Variants in PVT1 observed in about 807,000 individuals in gnomAD.
The protein encoded by PVT1 is Pvt1 oncogene.
At chr8:127,795,144 C>T (rs1167500032) in intron 1 of PVT1, among the ~76,000 whole-genome samples, 1 of 152,178 alleles carries the variant, frequency 6.6e-6, no homozygotes, top group African/African-American at 2.4e-5. Context: ...CTCTCACACC[C>T]CCTCAGGGCT....
At chr8:127,927,099 T>TC (rs1816139172) in intron 3 of PVT1, among the ~76,000 whole-genome samples, 4 of 152,212 alleles carry the variant, frequency 2.6e-5, no homozygotes, top group African/African-American at 9.7e-5. Context: ...TGGGTTCAAG[T>TC]CCGGGCCCTG....
chr8:128,077,870 A>G (rs762767642), intron 5 of PVT1, among the ~76,000 whole-genome samples: 3 of 152,250 alleles, frequency 2.0e-5, no homozygotes, highest in Admixed American at 6.5e-5. Context: ...AACCTGACCT[A>G]TGATTCACAG....
chr8:128,040,164 C>T (rs1249679609), intron 4 of PVT1, among the ~76,000 whole-genome samples: 1 of 152,200 alleles, frequency 6.6e-6, no homozygotes, highest in Non-Finnish European at 1.5e-5. Flanking sequence ...TGATCAAATA[C>T]CAGTTGAGAT....
At chr8:127,922,128 G>A (rs1816068959) in intron 3 of PVT1, among the ~76,000 whole-genome samples, 1 of 151,750 alleles carries the variant, frequency 6.6e-6, no homozygotes, top group Non-Finnish European at 1.5e-5. Flanking sequence ...CAAAATGCAG[G>A]GATTACAGGT....
intron 3 of PVT1, among the ~76,000 whole-genome samples, chr8:127,963,774 T>TGGAATGGA (rs1816673090): frequency 2.0e-5 from 3 of 152,158 alleles, no homozygotes; most frequent in African/African-American, 7.2e-5. Context: ...CAGGTGGGGT[T>TGGAATGGA]GGAATGGAGG....
At chr8:128,083,024 G>A (rs940076751) in intron 5 of PVT1, among the ~76,000 whole-genome samples, 5 of 152,216 alleles carry the variant, frequency 3.3e-5, no homozygotes, top group Non-Finnish European at 5.9e-5. Flanking sequence ...ACAAAGCACA[G>A]TGTAGAGCAG....
At chr8:127,920,688 A>G (rs1025581952) in intron 3 of PVT1, among the ~76,000 whole-genome samples, 2 of 152,222 alleles carry the variant, frequency 1.3e-5, no homozygotes, top group Non-Finnish European at 2.9e-5. Flanking sequence ...ACTAATGAAA[A>G]TTGAGTTTAT....
At chr8:127,910,169 T>G (rs75912053) in intron 3 of PVT1, among the ~76,000 whole-genome samples, 1 of 152,118 alleles carries the variant, frequency 6.6e-6, no homozygotes, top group Non-Finnish European at 1.5e-5. Context: ...CTAAGCAGTG[T>G]CCATCATGGA....
At chr8:128,036,361 C>T (rs574267914) in intron 4 of PVT1, among the ~76,000 whole-genome samples, 2 of 152,330 alleles carry the variant, frequency 1.3e-5, no homozygotes, top group East Asian at 3.9e-4. Flanking sequence ...CACCTTCCTC[C>T]CGTGCCTTAC....
chr8:128,056,065 T>A (rs928531740), intron 4 of PVT1, among the ~76,000 whole-genome samples: 5 of 152,220 alleles, frequency 3.3e-5, no homozygotes, highest in African/African-American at 1.2e-4. Context: ...CTACTCTGCT[T>A]AACCTCTTGG....
chr8:127,839,293 T>A (rs1178492597), intron 2 of PVT1, among the ~76,000 whole-genome samples: 1 of 152,070 alleles, frequency 6.6e-6, no homozygotes, highest in African/African-American at 2.4e-5. Context: ...GTGCCTGTAA[T>A]TCCAGCACTT....
At chr8:127,836,270 G>T (rs1814907773) in intron 2 of PVT1, among the ~76,000 whole-genome samples, 2 of 152,062 alleles carry the variant, frequency 1.3e-5, no homozygotes, top group African/African-American at 4.8e-5. Context: ...CTCAGTGGGT[G>T]GTTCATACAT....
chr8:127,816,452 C>T (rs1814660737), intron 2 of PVT1, among the ~76,000 whole-genome samples: 1 of 149,182 alleles, frequency 6.7e-6, no homozygotes. Context: ...CAGGCCAACT[C>T]TTATCTTGAA....
At chr8:127,957,358 A>G (rs1672842308) in intron 3 of PVT1, among the ~76,000 whole-genome samples, 1 of 152,114 alleles carries the variant, frequency 6.6e-6, no homozygotes, top group Non-Finnish European at 1.5e-5. Context: ...CACGAGGTCA[A>G]GAGATCAAGA....
chr8:127,956,516 C>T (rs530814897), intron 3 of PVT1, among the ~76,000 whole-genome samples: 27 of 152,366 alleles, frequency 1.8e-4, no homozygotes, highest in Admixed American at 8.5e-4. Context: ...GACGAAGTCT[C>T]GCTCTGTTGC....
At chr8:127,995,456 AC>A (rs1211523646) in intron 4 of PVT1, among the ~76,000 whole-genome samples, 1 of 151,788 alleles carries the variant, frequency 6.6e-6, no homozygotes, top group Non-Finnish European at 1.5e-5. Context: ...TTTAAGATAC[AC>A]CCCCCACATT....
chr8:127,876,580 C>T (rs1815407561), intron 2 of PVT1, among the ~76,000 whole-genome samples: 1 of 152,076 alleles, frequency 6.6e-6, no homozygotes, highest in African/African-American at 2.4e-5. Context: ...CTTTACCTTT[C>T]CCTGGATGAT....
At chr8:128,054,935 T>A (rs1813745751) in intron 4 of PVT1, among the ~76,000 whole-genome samples, 1 of 152,214 alleles carries the variant, frequency 6.6e-6, no homozygotes, top group African/African-American at 2.4e-5. Flanking sequence ...TCTTCCATAA[T>A]GTGGATGGGC....
At chr8:127,862,453 T>C (rs1158854839) in intron 2 of PVT1, among the ~76,000 whole-genome samples, 1 of 151,574 alleles carries the variant, frequency 6.6e-6, no homozygotes, top group African/African-American at 2.4e-5. Flanking sequence ...AGAGACAGGG[T>C]CTCGCTTTTT....
Sources: allele counts gnomAD v4.1 joint callset (sites outside exome capture counted in the v4.1 genomes callset), GRCh38; gene constraint gnomAD v4.1.1; transcripts MANE v1.5; gene names NCBI Gene and HGNC (gene_info 2026-07-23, HGNC 2026-07-21).